MYBPC2: variants seen among roughly 807,000 people sequenced by gnomAD.
The protein encoded by MYBPC2 is myosin-binding protein C, fast-type.
MYBPC2 carries 122 observed loss-of-function variants against 137.0 expected under a neutral mutation model. The ratio of observed to expected loss-of-function variants is 0.89; its 90% CI spans 0.77 to 1.03. The LOEUF (loss-of-function observed/expected upper bound fraction) is 1.03. Ranked by LOEUF, MYBPC2 falls within the 50% of genes least tolerant of loss-of-function variation. The pLI, the probability that MYBPC2 is intolerant of heterozygous loss-of-function variation, is 0.00. For missense variants in MYBPC2, 1,500 were observed against 1,534.4 expected, an observed-to-expected ratio of 0.98 and a Z score of 0.37; for synonymous variants, 626 against 612.3, an observed-to-expected ratio of 1.02 and a Z score of -0.33.
At position 50,435,786 on chromosome 19, in the gene MYBPC2, C is replaced by A; in HGVS notation, c.120C>A (p.Pro40=). Residue 40 remains proline (P), a synonymous_variant, in exon 3 of 28, where the codon CCC becomes CCA. Coordinates refer to ENST00000357701, the MANE Select transcript of MYBPC2 (RefSeq NM_004533.4). This position sits in a 1 kb window ranked among gnomAD's most constrained non-coding sequence, Gnocchi z 4.8. ...APAEAPKEAP[P]EDQSPTAEEP... is the part of the protein sequence containing the mutation. ...CTGTCCCCTGAACAGAAGCCCCACC[C>A]GAGGACCAGTCCCCGACTGCAGAGG... is the stretch of plus-strand genomic sequence containing the variant. 6.2e-7 allele frequency: 1 copy of A among 1,609,962 alleles called. No homozygotes were observed. Among genetic ancestry groups the A allele is most frequent in the East Asian group, 2.2e-5 (1 of 44,734 alleles).
At chr19:50,448,163 T>C in intron 12 of MYBPC2, 62 bp from the exon 13 acceptor site, 1 of 1,530,184 alleles carries the variant, frequency 6.5e-7, no homozygotes, top group Non-Finnish European at 8.8e-7. Flanking sequence ...CAGTGGGTGC[T>C]CACAAGTGTC....
intron 13 of MYBPC2, among the ~76,000 whole-genome samples, chr19:50,450,580 A>G (rs890034147): frequency 6.6e-6 from 1 of 152,190 alleles, no homozygotes; most frequent in African/African-American, 2.4e-5. Flanking sequence ...GATGCTTTAC[A>G]ACAACCTTGA....
At chr19:50,436,758 G>A in intron 5 of MYBPC2, 24 bp downstream of exon 5, 1 of 1,605,314 alleles carries the variant, frequency 6.2e-7, no homozygotes, top group Admixed American at 1.7e-5. Flanking sequence ...GGATGCGGGA[G>A]CAAAGGGTTC....
intron 12 of MYBPC2, among the ~76,000 whole-genome samples, chr19:50,447,280 G>T (rs1468771911): frequency 6.6e-6 from 1 of 152,120 alleles, no homozygotes; most frequent in Non-Finnish European, 1.5e-5. Context: ...TCACCAGTGG[G>T]GGAGGCTGGA....
rs1440877383 is a variant in MYBPC2 at position 50,456,917 on chromosome 19, C to T, written c.2338+1273C>T. Reference sequence around the variant, plus strand: ...CCATCCTCCACCAAACAAACATTCACTGAGCACTGACTTGTGCCCGGCCCA... The same window carrying T: ...CCATCCTCCACCAAACAAACATTCATTGAGCACTGACTTGTGCCCGGCCCA... On this transcript the variant is annotated intron_variant, in intron 20 of 27. Transcript: ENST00000357701. 2.6e-5 allele frequency among the ~76,000 whole-genome samples: 4 copies of T among 152,206 alleles called. No homozygotes were observed. In the South Asian group the frequency reaches 8.3e-4, roughly 32 times the overall value.
At chr19:50,441,442 G>GT (rs1190001010) in intron 8 of MYBPC2, among the ~76,000 whole-genome samples, 4 of 152,110 alleles carry the variant, frequency 2.6e-5, no homozygotes, top group Non-Finnish European at 5.9e-5. Context: ...TTAAAAGTGG[G>GT]TATCAATCTG....
rs2040003052 is a variant in MYBPC2 at position 50,465,064 on chromosome 19, A to G, written c.3415+532A>G. On this transcript the variant is annotated intron_variant, in intron 27 of 27. Transcript: ENST00000357701. This position sits in a 1 kb window ranked among gnomAD's most constrained non-coding sequence, Gnocchi z 4.5. Reference sequence around the variant, plus strand: ...TCCATTTCCAGCCGCCTCCGTCTCCAGTCTCTCCCTCCTGCCAGCCACTTT... The same window carrying G: ...TCCATTTCCAGCCGCCTCCGTCTCCGGTCTCTCCCTCCTGCCAGCCACTTT... 6.6e-6 allele frequency among the ~76,000 whole-genome samples: 1 copy of G among 151,378 alleles called. No homozygotes were observed. The highest frequency in any genetic ancestry group is 2.4e-5 in the African/African-American group (1 of 41,154).
In MYBPC2 at chr19:50,437,670, A is replaced by T; in HGVS notation, c.524A>T (p.Lys175Met). 6.2e-7 allele frequency: 1 copy of T among 1,604,962 alleles called. No individual in the cohort carries two copies. Residue 175 changes from lysine to methionine, a missense_variant, in exon 7 of 28, where the codon AAG becomes ATG. By Grantham distance (95) the Lys-to-Met change is moderately conservative (BLOSUM62 -1). Transcript: ENST00000357701. ...LESFKRTSEK[K>M]SDTAGELDFS... is the part of the protein sequence containing the mutation. ...CTCAATGGCCACAGGAGTGAAAAGA[A>T]GTCGGATACTGCAGGTGAGCTGGAT...
rs1330204627 is a variant in MYBPC2, at chr19:50,452,004, G to A, written c.1749+1G>A. The A allele has an allele frequency of 6.4e-7, 1 of 1,552,116 alleles. No homozygotes were observed. The highest frequency in any genetic ancestry group is 2.0e-5 in the Admixed American group (1 of 51,002). ...CGCTACCTGGCTGAAGGGAGATGAG[G>A]TGGGTTGGGGCCGCCCCTCTGTCCT... On this transcript the variant is annotated splice_donor_variant, in intron 16 of 27. Transcript: ENST00000357701. LOFTEE classifies it high-confidence loss of function.
In MYBPC2 at chr19:50,450,821, C is replaced by A. The variant is rs944256102; in HGVS notation, c.1473-8C>A. ...GTTCGAGCCCTACCCTGCTCCCCCACCCCTTAGGTTCCACAAGCTGGTGAT... is the reference window on the plus strand; with the variant it reads ...GTTCGAGCCCTACCCTGCTCCCCCAACCCTTAGGTTCCACAAGCTGGTGAT... On this transcript the variant is annotated splice_region_variant and splice_polypyrimidine_tract_variant and intron_variant, in intron 13 of 27. Coordinates refer to ENST00000357701, the MANE Select transcript of MYBPC2 (RefSeq NM_004533.4). The A allele has an allele frequency of 2.6e-6, 4 of 1,558,302 alleles. No individual in the cohort carries two copies. Among genetic ancestry groups the A allele is most frequent in the Non-Finnish European group, 3.5e-6 (4 of 1,150,796 alleles).
chr19:50,450,812 G>T lies in MYBPC2; in HGVS notation c.1473-17G>T, dbSNP rs2039848542. 6.4e-7 allele frequency: 1 copy of T among 1,551,752 alleles called. No homozygotes were observed. The highest frequency in any genetic ancestry group is 8.7e-7 in the Non-Finnish European group (1 of 1,145,996). On this transcript the variant is annotated splice_polypyrimidine_tract_variant and intron_variant, in intron 13 of 27. Transcript: ENST00000357701. ...TGCAATCTGGTTCGAGCCCTACCCT[G>T]CTCCCCCACCCCTTAGGTTCCACAA... is the stretch of plus-strand genomic sequence containing the variant.
rs770473685 is a variant in MYBPC2 at position 50,445,976 on chromosome 19, C to T, written c.1230C>T (p.Asp410=). The part of the protein sequence containing the change: ...DGKRHILIFS[D]VVQEDRGRYQ... ...AGCGCCACATCCTCATCTTCTCAGA[C>T]GTGGTCCAGGAGGACAGGGGTCGCT... is the stretch of plus-strand genomic sequence containing the variant. Residue 410 remains aspartate, a synonymous_variant, in exon 12 of 28, where the codon GAC becomes GAT. Transcript: ENST00000357701. 3.2e-5 allele frequency: 52 copies of T among 1,613,138 alleles called. No individual in the cohort carries two copies. Among genetic ancestry groups the T allele is most frequent in the Middle Eastern group, 1.6e-4 (1 of 6,084 alleles).
In MYBPC2 at chr19:50,435,494, GTC is replaced by G. The variant is rs2039694222; in HGVS notation, c.109+250_109+251del. ...TGATTGATCACCAGGTCCGGCCCCG[GTC>G]TCTCTAAACCTCTCCCGCCCCAAAG... On this transcript the variant is annotated intron_variant, in intron 2 of 27. Coordinates refer to ENST00000357701, the MANE Select transcript of MYBPC2 (RefSeq NM_004533.4). The surrounding 1 kb of genome is among the most constrained non-coding windows in gnomAD (Gnocchi z 4.8). Among the ~76,000 whole-genome samples, 1 of 152,168 alleles carries G rather than the reference GTC, an allele frequency of 6.6e-6. No individual in the cohort carries two copies. The highest frequency in any genetic ancestry group is 1.5e-5 in the Non-Finnish European group (1 of 68,024).
Position 50,445,994 on chromosome 19 carries a change from G to C in MYBPC2, c.1248G>C (p.Arg416Ser). 2 of 1,613,476 alleles carry C rather than the reference G, an allele frequency of 1.2e-6. No individual in the cohort carries two copies. The highest frequency in any genetic ancestry group is 1.3e-5 in the African/African-American group (1 of 75,052). ...LIFSDVVQEDRGRYQVITNGG... is the reference protein window; with the variant it reads ...LIFSDVVQEDSGRYQVITNGG... ...TCTCAGACGTGGTCCAGGAGGACAG[G>C]GGTCGCTATCAGGTCATAACCAATG... is the stretch of plus-strand genomic sequence containing the variant. Residue 416 changes from arginine (R) to serine (S), a missense_variant, in exon 12 of 28, where the codon AGG becomes AGC. Transcript: ENST00000357701.
At chr19:50,452,508 G>GTATGTATCTATCTATCTATCTATCTATC (rs1433850781) in intron 16 of MYBPC2, among the ~76,000 whole-genome samples, 5 of 114,652 alleles carry the variant, frequency 4.4e-5, no homozygotes, top group African/African-American at 1.2e-4. Flanking sequence ...ATGTATGTAT[G>GTATGTATCTATCTATCTATCTATCTATC]TATCTATCTA....
At chr19:50,448,518 G>A (rs1303798088) in intron 13 of MYBPC2, 128 bp downstream of exon 13, 1 of 1,263,762 alleles carries the variant, frequency 7.9e-7, no homozygotes, top group Non-Finnish European at 1.1e-6. Flanking sequence ...GCCCAGGCTA[G>A]AGTGCAATGG....
chr19:50,449,629 G>A (rs1182893193), intron 13 of MYBPC2, among the ~76,000 whole-genome samples: 1 of 152,208 alleles, frequency 6.6e-6, no homozygotes, highest in Non-Finnish European at 1.5e-5. Context: ...AAAGCCTCTG[G>A]CCATATCAGC....
At position 50,442,173 on chromosome 19, in the gene MYBPC2, A is replaced by G. The variant is rs754488058; in HGVS notation, c.770-8A>G. Reference sequence around the variant, plus strand: ...GCCTCCATCCCCTTTGCATGCCTCAATCTTCAGCATTCACAAAGAAGCTGG... The same window carrying G: ...GCCTCCATCCCCTTTGCATGCCTCAGTCTTCAGCATTCACAAAGAAGCTGG... On this transcript the variant is annotated splice_polypyrimidine_tract_variant and splice_region_variant and intron_variant, in intron 8 of 27. Coordinates refer to ENST00000357701, the MANE Select transcript of MYBPC2 (RefSeq NM_004533.4). 3 of 1,584,412 alleles carry G rather than the reference A, an allele frequency of 1.9e-6. No homozygotes were observed. The highest frequency in any genetic ancestry group is 2.3e-5 in the East Asian group (1 of 43,468).
In MYBPC2 at chr19:50,458,657, C is replaced by T. The variant is rs367630745; in HGVS notation, c.2409C>T (p.Thr803=). 1.9e-6 allele frequency: 3 copies of T among 1,612,824 alleles called. No individual in the cohort carries two copies. In the African/African-American group the frequency reaches 4.0e-5, roughly 21 times the overall value. Residue 803 remains threonine, a synonymous_variant, in exon 21 of 28, where the codon ACC becomes ACT. Transcript: ENST00000357701. ...RCGFTVKNLP[T]GARILFRVVG... is the part of the protein sequence containing the mutation. ...GCTTCACCGTCAAGAATCTCCCGAC[C>T]GGAGCCAGAATCCTCTTCCGAGTAG...
Sources: allele counts gnomAD v4.1 joint callset (sites outside exome capture counted in the v4.1 genomes callset), GRCh38; gene constraint gnomAD v4.1.1; non-coding constraint Gnocchi (gnomAD v3.1); transcripts MANE v1.5; gene names NCBI Gene and HGNC (gene_info 2026-07-23, HGNC 2026-07-21).